Variants in HEMK2 observed in about 807,000 individuals in gnomAD.
The protein encoded by HEMK2 is HemK methyltransferase 2, ETF1 glutamine and histone H4 lysine, also known as methyltransferase HEMK2.
chr21:28,783,574 G>A, the HEMK2 span, among the ~76,000 whole-genome samples: 1 of 152,206 alleles, frequency 6.6e-6, no homozygotes, highest in Non-Finnish European at 1.5e-5. Context: ...TATACTTGTG[G>A]CATCGTATTG....
At chr21:28,779,135 G>C in the HEMK2 span, among the ~76,000 whole-genome samples, 1 of 152,200 alleles carries the variant, frequency 6.6e-6, no homozygotes, top group African/African-American at 2.4e-5. Context: ...ATGGAAATCA[G>C]TATGTTAAAG....
At chr21:28,611,911 CAAAAA>C in the HEMK2 span, among the ~76,000 whole-genome samples, 1 of 71,938 alleles carries the variant, frequency 1.4e-5, no homozygotes. Context: ...GACACCATCT[CAAAAA>C]AAAAAAAAAA....
chr21:28,827,469 T>C, the HEMK2 span, among the ~76,000 whole-genome samples: 2 of 152,242 alleles, frequency 1.3e-5, no homozygotes, highest in African/African-American at 4.8e-5. Flanking sequence ...TACCATTTAG[T>C]GATACCTACT....
chr21:28,708,014 G>T, the HEMK2 span, among the ~76,000 whole-genome samples: 4 of 152,196 alleles, frequency 2.6e-5, no homozygotes, highest in Non-Finnish European at 2.9e-5. Flanking sequence ...GAGGATTCCA[G>T]ATTGCTGGAT....
At chr21:28,699,237 T>C in the HEMK2 span, among the ~76,000 whole-genome samples, 5 of 152,340 alleles carry the variant, frequency 3.3e-5, no homozygotes, top group African/African-American at 1.2e-4. Flanking sequence ...TTGCAAAGTA[T>C]CTTAGTCTGA....
the HEMK2 span, among the ~76,000 whole-genome samples, chr21:28,621,008 T>C: frequency 6.7e-6 from 1 of 149,764 alleles, no homozygotes; most frequent in South Asian, 2.1e-4. Context: ...GTGGTCTATC[T>C]AGTTGGTTAA....
the HEMK2 span, among the ~76,000 whole-genome samples, chr21:28,794,133 G>C: frequency 6.6e-6 from 1 of 152,010 alleles, no homozygotes; most frequent in Non-Finnish European, 1.5e-5. Context: ...AAATGACCTA[G>C]GTACCTAAAG....
chr21:28,670,607 T>C, the HEMK2 span, among the ~76,000 whole-genome samples: 1 of 152,206 alleles, frequency 6.6e-6, no homozygotes, highest in Non-Finnish European at 1.5e-5. Context: ...AGAAGTATTG[T>C]CAGAGCTCTG....
At chr21:28,613,369 A>G in the HEMK2 span, among the ~76,000 whole-genome samples, 3,326 of 152,142 alleles carry the variant, frequency 0.022, 124 homozygotes, top group African/African-American at 0.075. Context: ...GACTGTACAT[A>G]GCTTGCACTC....
the HEMK2 span, chr21:28,743,407 G>A: frequency 6.6e-6 from 1 of 152,162 alleles, no homozygotes; most frequent in Non-Finnish European, 1.5e-5. Flanking sequence ...CAGTTCTGGA[G>A]GCTAGACGTC....
At chr21:28,811,317 G>A in the HEMK2 span, among the ~76,000 whole-genome samples, 1 of 142,542 alleles carries the variant, frequency 7.0e-6, no homozygotes, top group East Asian at 2.2e-4. Flanking sequence ...GGGGAGGGGA[G>A]GGGAGGAAGG....
the HEMK2 span, among the ~76,000 whole-genome samples, chr21:28,642,858 C>T: frequency 6.6e-6 from 1 of 152,178 alleles, no homozygotes; most frequent in Non-Finnish European, 1.5e-5. Context: ...TGCTCAGCCA[C>T]TTGTGTTGCT....
At chr21:28,676,289 G>A in the HEMK2 span, among the ~76,000 whole-genome samples, 1 of 152,162 alleles carries the variant, frequency 6.6e-6, no homozygotes, top group Non-Finnish European at 1.5e-5. Context: ...TCTACACATG[G>A]TAGTCCCTCT....
At chr21:28,624,823 CACTT>C in the HEMK2 span, among the ~76,000 whole-genome samples, 3 of 152,184 alleles carry the variant, frequency 2.0e-5, no homozygotes, top group African/African-American at 7.2e-5. Context: ...GAGGCACTCA[CACTT>C]ACTCATGATT....
chr21:28,783,385 A>T, the HEMK2 span, among the ~76,000 whole-genome samples: 1 of 152,116 alleles, frequency 6.6e-6, no homozygotes, highest in Non-Finnish European at 1.5e-5. Context: ...GGGTTTCACC[A>T]TGTTGGTCAG....
At chr21:28,846,413 C>T in the HEMK2 span, among the ~76,000 whole-genome samples, 31 of 152,264 alleles carry the variant, frequency 2.0e-4, no homozygotes, top group African/African-American at 7.2e-4. Context: ...ACATTCCCAC[C>T]AGCAATATAT....
At chr21:28,724,391 A>C in the HEMK2 span, among the ~76,000 whole-genome samples, 1 of 152,266 alleles carries the variant, frequency 6.6e-6, no homozygotes, top group African/African-American at 2.4e-5. Flanking sequence ...TAAATAATAA[A>C]GGCAGCACTC....
the HEMK2 span, among the ~76,000 whole-genome samples, chr21:28,599,983 T>TCCA: frequency 1.3e-5 from 2 of 152,206 alleles, no homozygotes; most frequent in African/African-American, 4.8e-5. Context: ...CTTGGGCAGC[T>TCCA]CCACCACTGT....
the HEMK2 span, among the ~76,000 whole-genome samples, chr21:28,831,274 C>T: frequency 2.6e-5 from 4 of 151,218 alleles, no homozygotes; most frequent in Admixed American, 1.3e-4. Context: ...GCGAAACCCC[C>T]GTCTCTACTA....
Sources: allele counts gnomAD v4.1 joint callset (sites outside exome capture counted in the v4.1 genomes callset), GRCh38; gene constraint gnomAD v4.1.1; transcripts MANE v1.5; gene names NCBI Gene and HGNC (gene_info 2026-07-23, HGNC 2026-07-21).